The following LRRC37A2 variants were observed in gnomAD, a reference collection of about 807,000 sequenced individuals.
LRRC37A2 encodes leucine rich repeat containing 37 member A2.
LRRC37A2 carries 9 observed loss-of-function variants against 68.8 expected under a neutral mutation model. That is an observed-to-expected ratio of 0.13 (90% CI 0.08 to 0.23). The LOEUF is 0.23. LRRC37A2 is among the 10% of genes least tolerant of loss of function. The pLI is 1.00. For missense variants in LRRC37A2, 168 were observed against 950.4 expected (o/e 0.18, Z 10.82); for synonymous variants, 63 against 367.6 (o/e 0.17, Z 9.48).
the LRRC37A2 span, among the ~76,000 whole-genome samples, chr17:46,844,940 CA>C: frequency 6.6e-6 from 1 of 152,138 alleles, no homozygotes; most frequent in East Asian, 1.9e-4. Flanking sequence ...CTCCGCCTCC[CA>C]GCTGCAAGCA....
the LRRC37A2 span, among the ~76,000 whole-genome samples, chr17:46,845,485 ATTTTTTT>A: frequency 4.1e-5 from 5 of 121,382 alleles, no homozygotes; most frequent in East Asian, 2.7e-4. Flanking sequence ...AGTTATCTGA[ATTTTTTT>A]TTTTTTTTTT....
the LRRC37A2 span, among the ~76,000 whole-genome samples, chr17:46,429,194 AAACCCAAGTGGGGCAGCCCTTCCTTGG>A: frequency 6.6e-6 from 1 of 151,434 alleles, no homozygotes; most frequent in African/African-American, 2.4e-5. Flanking sequence ...GAGCTCACCC[AAACCCAAGTGGGGCAGCCCTTCCTTGG>A]AAGGATATGA....
chr17:46,854,431 A>T, the LRRC37A2 span, among the ~76,000 whole-genome samples: 1 of 152,102 alleles, frequency 6.6e-6, no homozygotes, highest in East Asian at 1.9e-4. Flanking sequence ...GGGCTCTTTG[A>T]AATCATAGAA....
chr17:46,982,245 G>A, the LRRC37A2 span, among the ~76,000 whole-genome samples: 3 of 152,174 alleles, frequency 2.0e-5, no homozygotes, highest in Non-Finnish European at 2.9e-5. Flanking sequence ...GTAGAGAAAT[G>A]CTCAGTTATA....
the LRRC37A2 span, among the ~76,000 whole-genome samples, chr17:46,842,176 G>A: frequency 6.6e-6 from 1 of 152,182 alleles, no homozygotes; most frequent in African/African-American, 2.4e-5. Flanking sequence ...TAGGTCCTTG[G>A]GCAGGCCACT....
the LRRC37A2 span, among the ~76,000 whole-genome samples, chr17:46,874,454 C>G: frequency 1.2e-3 from 184 of 152,310 alleles, 1 homozygote; most frequent in African/African-American, 4.2e-3. Flanking sequence ...TGAGTAGCTT[C>G]TCTTTGCATC....
chr17:46,771,855 C>G, the LRRC37A2 span, among the ~76,000 whole-genome samples: 1 of 144,784 alleles, frequency 6.9e-6, no homozygotes, highest in African/African-American at 2.5e-5. Flanking sequence ...GGGCGCTTTT[C>G]AGGCCGCCCA....
chr17:46,855,408 C>T, the LRRC37A2 span, among the ~76,000 whole-genome samples: 8 of 152,168 alleles, frequency 5.3e-5, no homozygotes, highest in Non-Finnish European at 7.3e-5. Flanking sequence ...GGACAGGAGG[C>T]GGACCAGAGG....
At chr17:47,027,485 C>T in the LRRC37A2 span, 2 of 759,290 alleles carry the variant, frequency 2.6e-6, no homozygotes, top group South Asian at 2.9e-5. Context: ...TTATTCTAAA[C>T]TCTTGCTATT....
chr17:46,791,217 C>CT, the LRRC37A2 span, among the ~76,000 whole-genome samples: 123 of 146,648 alleles, frequency 8.4e-4, no homozygotes, highest in South Asian at 4.3e-3. Flanking sequence ...TTTCCTTACT[C>CT]TTTTTTTTTT....
At chr17:46,405,964 T>C in the LRRC37A2 span, among the ~76,000 whole-genome samples, 1 of 145,160 alleles carries the variant, frequency 6.9e-6, no homozygotes, top group African/African-American at 2.5e-5. Context: ...TGTTGAAAGA[T>C]ATTTGGAAGA....
chr17:46,851,583 A>C, the LRRC37A2 span: 1 of 996,268 alleles, frequency 1.0e-6, no homozygotes, highest in Non-Finnish European at 1.3e-6. The surrounding 1 kb of genome is among the most constrained non-coding windows in gnomAD (Gnocchi z 4.3). Context: ...GTGGTGGCGG[A>C]GCTGCGAGCT....
At chr17:46,839,153 C>T in the LRRC37A2 span, among the ~76,000 whole-genome samples, 1 of 152,228 alleles carries the variant, frequency 6.6e-6, no homozygotes, top group Non-Finnish European at 1.5e-5. Flanking sequence ...ACTGGGATTA[C>T]AGGCGTGAGC....
the LRRC37A2 span, among the ~76,000 whole-genome samples, chr17:46,795,827 CT>C: frequency 3.7e-4 from 57 of 152,332 alleles, 2 homozygotes; most frequent in South Asian, 7.9e-3. Flanking sequence ...TTCTCCTTCA[CT>C]TGTGCACTCT....
chr17:46,943,142 G>T, the LRRC37A2 span, among the ~76,000 whole-genome samples: 1 of 152,176 alleles, frequency 6.6e-6, no homozygotes, highest in Non-Finnish European at 1.5e-5. Flanking sequence ...TCAACCCAAG[G>T]CTAGCCCGTC....
the LRRC37A2 span, among the ~76,000 whole-genome samples, chr17:46,950,999 C>G: frequency 6.6e-6 from 1 of 152,322 alleles, no homozygotes; most frequent in Non-Finnish European, 1.5e-5. Flanking sequence ...CTGTCCTAAA[C>G]TAGCCTGTGG....
the LRRC37A2 span, among the ~76,000 whole-genome samples, chr17:46,499,311 CAA>C: frequency 5.3e-3 from 320 of 60,066 alleles, no homozygotes; most frequent in Middle Eastern, 0.012. Context: ...GACTCCAGCT[CAA>C]AAAAAAAAAA....
At chr17:46,895,369 T>C in the LRRC37A2 span, among the ~76,000 whole-genome samples, 7 of 152,238 alleles carry the variant, frequency 4.6e-5, no homozygotes, top group Admixed American at 1.3e-4. Context: ...AGCTGGGCTG[T>C]ACGAGTCAAA....
intron 11 of LRRC37A2, among the ~76,000 whole-genome samples, chr17:46,552,913 G>C (rs1428622028): frequency 2.1e-5 from 3 of 145,734 alleles, no homozygotes; most frequent in African/African-American, 8.1e-5. Flanking sequence ...AAAATAGCCA[G>C]GTGTGGTAGT....
Sources: allele counts gnomAD v4.1 joint callset (sites outside exome capture counted in the v4.1 genomes callset), GRCh38; gene constraint gnomAD v4.1.1; non-coding constraint Gnocchi (gnomAD v3.1); transcripts MANE v1.5; gene names NCBI Gene and HGNC (gene_info 2026-07-23, HGNC 2026-07-21).